SMOC1: variants seen among roughly 807,000 people sequenced by gnomAD.
The protein encoded by SMOC1 is SPARC related modular calcium binding 1.
In SMOC1, 22 loss-of-function variants were observed where a neutral mutation model predicts 56.3. That is an observed-to-expected ratio of 0.39 (90% confidence interval 0.28 to 0.56). The LOEUF is 0.56. Ranked by LOEUF, SMOC1 falls within the 20% of genes least tolerant of loss-of-function variation. SMOC1 has a pLI of 0.61. For missense variants in SMOC1, 509 were observed against 565.4 expected, an observed-to-expected ratio of 0.90 and a Z score of 1.01; for synonymous variants, 193 against 215.0, an observed-to-expected ratio of 0.90 and a Z score of 0.89.
At chr14:69,906,301 G>A (rs956384872) in intron 1 of SMOC1, among the ~76,000 whole-genome samples, 6 of 152,148 alleles carry the variant, frequency 3.9e-5, no homozygotes, top group African/African-American at 1.2e-4. Flanking sequence ...GTTTTCCTAG[G>A]ACATTCACCT....
chr14:70,026,870 A>G (rs1240444787), intron 11 of SMOC1, among the ~76,000 whole-genome samples: 9 of 152,112 alleles, frequency 5.9e-5, no homozygotes, highest in Admixed American at 4.6e-4. Context: ...GTGCATGTCT[A>G]TACACATGTG....
chr14:69,908,152 A>G (rs941546757), intron 1 of SMOC1, among the ~76,000 whole-genome samples: 9 of 152,214 alleles, frequency 5.9e-5, no homozygotes, highest in African/African-American at 2.2e-4. Context: ...GGAAAAAAGT[A>G]GGTTGTAAAA....
rs79743554 is a variant in SMOC1, at chr14:69,941,382, C to T, written c.100-10756C>T. On this transcript the variant is annotated intron_variant, in intron 1 of 11. Coordinates refer to ENST00000361956, the MANE Select transcript of SMOC1 (RefSeq NM_001034852.3). ...AGTGTAGCACTCAGAAACTCATTGC[C>T]TTTGACTAGGCTGTAGTTCTTGGGG... Among the ~76,000 whole-genome samples, 138 of 152,314 alleles carry T rather than the reference C, an allele frequency of 9.1e-4. 1 individual carries two copies. In the East Asian group the frequency reaches 0.024, roughly 26 times the overall value.
chr14:69,923,914 G>A (rs1282430174), intron 1 of SMOC1, among the ~76,000 whole-genome samples: 1 of 152,184 alleles, frequency 6.6e-6, no homozygotes, highest in Non-Finnish European at 1.5e-5. Context: ...TGGGCAGTTG[G>A]CAGTGTAACC....
At chr14:69,916,911 C>CAG (rs1369675150) in intron 1 of SMOC1, among the ~76,000 whole-genome samples, 1 of 152,222 alleles carries the variant, frequency 6.6e-6, no homozygotes, top group Non-Finnish European at 1.5e-5. Flanking sequence ...GCCAGAAGCC[C>CAG]AGTGCCTAGA....
At chr14:69,928,937 A>C (rs1885089969) in intron 1 of SMOC1, among the ~76,000 whole-genome samples, 1 of 152,220 alleles carries the variant, frequency 6.6e-6, no homozygotes, top group African/African-American at 2.4e-5. Context: ...GATATTGGAC[A>C]GGGAAAGATA....
intron 1 of SMOC1, among the ~76,000 whole-genome samples, chr14:69,949,015 CA>C (rs1355573459): frequency 2.6e-5 from 4 of 152,162 alleles, no homozygotes; most frequent in Non-Finnish European, 5.9e-5. Flanking sequence ...TTCACAAAGT[CA>C]AAAACTGTTG....
At chr14:69,985,063 G>A (rs227439) in intron 5 of SMOC1, among the ~76,000 whole-genome samples, 99,504 of 151,236 alleles carry the variant, frequency 0.66, 34,383 homozygotes, top group African/African-American at 0.87. Flanking sequence ...AGAAAAGAAA[G>A]AAATTGGCCA....
At chr14:69,989,631 G>A (rs944006848) in intron 5 of SMOC1, among the ~76,000 whole-genome samples, 13 of 152,164 alleles carry the variant, frequency 8.5e-5, no homozygotes, top group Non-Finnish European at 1.8e-4. Flanking sequence ...TAAAAGGAGG[G>A]GCTCAACTTA....
intron 6 of SMOC1, 106 bp from the exon 7 acceptor site, chr14:69,994,294 A>G (rs1884683349): frequency 1.1e-6 from 1 of 895,736 alleles, no homozygotes; most frequent in East Asian, 2.4e-5. Context: ...CTGAAGCCTC[A>G]ATGCCTCAGA....
At chr14:69,881,466 A>G (rs1883636429) in intron 1 of SMOC1, among the ~76,000 whole-genome samples, 2 of 152,082 alleles carry the variant, frequency 1.3e-5, no homozygotes, top group Non-Finnish European at 2.9e-5. Flanking sequence ...AGAGGAAGCA[A>G]CCTTTAGGGG....
chr14:69,991,265 C>T (rs985386329), intron 5 of SMOC1, among the ~76,000 whole-genome samples: 5 of 152,134 alleles, frequency 3.3e-5, no homozygotes, highest in East Asian at 3.9e-4. Context: ...TCCCTCCCCC[C>T]GTGGAGAGAA....
At chr14:69,981,088 G>C (rs775062474) in intron 5 of SMOC1, among the ~76,000 whole-genome samples, 1 of 152,132 alleles carries the variant, frequency 6.6e-6, no homozygotes, top group Admixed American at 6.5e-5. Flanking sequence ...GAGGCTGGGG[G>C]AGGAGGCCCA....
chr14:69,994,114 C>T, intron 6 of SMOC1: 1 of 477,568 alleles, frequency 2.1e-6, no homozygotes, highest in Non-Finnish European at 3.8e-6. Context: ...ATGTTCCTTA[C>T]CTCCTGGGAT....
intron 7 of SMOC1, among the ~76,000 whole-genome samples, chr14:70,009,777 A>G (rs1337761986): frequency 2.0e-5 from 3 of 152,246 alleles, no homozygotes; most frequent in Non-Finnish European, 4.4e-5. Flanking sequence ...TAGGGAAGGT[A>G]CAGTGTTTAA....
rs117428651 is a variant in SMOC1 at position 69,977,905 on chromosome 14, C to A, written c.479-13C>A. The A allele has an allele frequency of 4.6e-3, 7,361 of 1,613,414 alleles. 34 individuals carry two copies. Among genetic ancestry groups the A allele is most frequent in the South Asian group, 0.015 (1,364 of 91,068 alleles). On this transcript the variant is annotated splice_polypyrimidine_tract_variant and intron_variant, in intron 4 of 11. Coordinates refer to ENST00000361956, the MANE Select transcript of SMOC1 (RefSeq NM_001034852.3). Reference sequence around the variant, plus strand: ...TCTGAGTGGCTATGTTTTTGTTTCCCTTCTCACCCAAGGTTCAGTCACCGA... The same window carrying A: ...TCTGAGTGGCTATGTTTTTGTTTCCATTCTCACCCAAGGTTCAGTCACCGA...
intron 1 of SMOC1, among the ~76,000 whole-genome samples, chr14:69,904,202 T>G (rs1410146972): frequency 6.6e-6 from 1 of 152,242 alleles, no homozygotes; most frequent in Non-Finnish European, 1.5e-5. Flanking sequence ...CATTTGATTT[T>G]ATTTTCTGTC....
intron 7 of SMOC1, among the ~76,000 whole-genome samples, chr14:69,998,280 C>G (rs1047224549): frequency 6.6e-6 from 1 of 152,184 alleles, no homozygotes; most frequent in Non-Finnish European, 1.5e-5. Context: ...CATTGCATCT[C>G]CAGTGCACCA....
At chr14:70,015,859 G>T (rs1885491056) in intron 10 of SMOC1, among the ~76,000 whole-genome samples, 1 of 151,950 alleles carries the variant, frequency 6.6e-6, no homozygotes, top group Admixed American at 6.5e-5. Context: ...AATACCTGTT[G>T]TTTCATGCAA....
Sources: allele counts gnomAD v4.1 joint callset (sites outside exome capture counted in the v4.1 genomes callset), GRCh38; gene constraint gnomAD v4.1.1; transcripts MANE v1.5; gene names NCBI Gene and HGNC (gene_info 2026-07-23, HGNC 2026-07-21).